The following WSCD2 variants were observed in gnomAD, a reference collection of about 807,000 sequenced individuals.
WSCD2 encodes sialate:O-sulfotransferase 2.
A neutral mutation model predicts 55.7 loss-of-function variants in WSCD2; 28 were observed. The observed-to-expected ratio is 0.50, with a 90% CI of 0.37 to 0.69. The LOEUF is 0.69. WSCD2 is among the 30% of genes least tolerant of loss of function. WSCD2 has a pLI of 0.00. For synonymous variants in WSCD2, 301 were observed against 301.9 expected, an observed-to-expected ratio of 1.00 and a Z score of 0.03; for missense variants, 616 against 762.1, an observed-to-expected ratio of 0.81 and a Z score of 2.26.
chr12:108,207,155 C>A lies in WSCD2; in HGVS notation c.497+752C>A, dbSNP rs186540153. ...AGGCCTGGTGAACAGGGACAGGACC[C>A]CTGGGGGCACCATGGGGCTGAGCTG... is the stretch of plus-strand genomic sequence containing the variant. On this transcript the variant is annotated intron_variant, in intron 3 of 8. Coordinates refer to ENST00000547525, the MANE Select transcript of WSCD2 (RefSeq NM_014653.4). Among the ~76,000 whole-genome samples, 206 of 152,150 alleles carry A rather than the reference C, an allele frequency of 1.4e-3. 1 individual carries two copies. Among genetic ancestry groups the A allele is most frequent in the Admixed American group, 3.0e-3 (46 of 15,290 alleles).
intron 1 of WSCD2, among the ~76,000 whole-genome samples, chr12:108,183,362 G>C (rs1400338048): frequency 6.6e-6 from 1 of 152,166 alleles, no homozygotes; most frequent in Non-Finnish European, 1.5e-5. Context: ...AATGGGTATG[G>C]CCTGATAGGG....
rs1216775788 is a variant in WSCD2, at chr12:108,195,958, GCCCGCTGTCTCGGGGAACCAGGCGAA to G, written c.130_155del (p.Ala44ArgfsTer8). The stretch of plus-strand genomic sequence containing the variant: ...TCCTTCACTCTGGCTTTGTGGGCCA[GCCCGCTGTCTCGGGGAACCAGGCGAA>G]CCCCGCTGCTGCAGGAGGCCCAGCT... On this transcript the variant is annotated frameshift_variant, in exon 2 of 9. Coordinates refer to ENST00000547525, the MANE Select transcript of WSCD2 (RefSeq NM_014653.4). LOFTEE classifies it high-confidence loss of function. The G allele has an allele frequency of 6.2e-7, 1 of 1,614,198 alleles. No homozygotes were observed. Among genetic ancestry groups the G allele is most frequent in the Admixed American group, 1.7e-5 (1 of 60,032 alleles).
intron 1 of WSCD2, among the ~76,000 whole-genome samples, chr12:108,148,473 G>C (rs1405654230): frequency 6.6e-6 from 1 of 152,188 alleles, no homozygotes; most frequent in Non-Finnish European, 1.5e-5. Context: ...GGTAGTGTGG[G>C]AGGTAAGGGT....
At chr12:108,188,474 C>T (rs143762208) in intron 1 of WSCD2, among the ~76,000 whole-genome samples, 160 of 152,132 alleles carry the variant, frequency 1.1e-3, no homozygotes, top group Non-Finnish European at 2.0e-3. Flanking sequence ...AAGGGTGTGT[C>T]CCAGAGAGGG....
intron 1 of WSCD2, among the ~76,000 whole-genome samples, chr12:108,187,369 A>G (rs924951024): frequency 3.3e-5 from 5 of 152,206 alleles, no homozygotes; most frequent in African/African-American, 1.2e-4. Flanking sequence ...TTGTCATGAG[A>G]AGAGGTAAAT....
At chr12:108,241,728 C>T (rs1238249551) in intron 8 of WSCD2, among the ~76,000 whole-genome samples, 1 of 151,986 alleles carries the variant, frequency 6.6e-6, no homozygotes, top group East Asian at 1.9e-4. Context: ...CACACAAAAA[C>T]GAACAAAGAA....
At chr12:108,201,597 G>C (rs1884686923) in intron 2 of WSCD2, among the ~76,000 whole-genome samples, 1 of 152,152 alleles carries the variant, frequency 6.6e-6, no homozygotes, top group African/African-American at 2.4e-5. Context: ...GTGGAGAACT[G>C]CACCCCGAAG....
At chr12:108,147,383 C>T (rs769007979) in intron 1 of WSCD2, among the ~76,000 whole-genome samples, 1 of 152,074 alleles carries the variant, frequency 6.6e-6, no homozygotes, top group Non-Finnish European at 1.5e-5. Context: ...AGGGTGGGTG[C>T]TAACAGCCAT....
At chr12:108,206,558 A>G (rs1458480953) in intron 3 of WSCD2, among the ~76,000 whole-genome samples, 155 bp downstream of exon 3, 1 of 152,196 alleles carries the variant, frequency 6.6e-6, no homozygotes, top group African/African-American at 2.4e-5. Flanking sequence ...CATTGTGTGT[A>G]TGTGCATAAG....
rs563270199 is a variant in WSCD2 at position 108,142,652 on chromosome 12, C to G, written c.-552+12726C>G. Among the ~76,000 whole-genome samples the G allele has an allele frequency of 3.3e-5, 5 of 152,318 alleles. No individual in the cohort carries two copies. In the East Asian group the frequency reaches 9.6e-4, roughly 29 times the overall value. ...AAAACCCAACTTAAACATCCTTACACTCTTTTATTCTCAGGCATAAAATGA... is the reference window on the plus strand; with the variant it reads ...AAAACCCAACTTAAACATCCTTACAGTCTTTTATTCTCAGGCATAAAATGA... On this transcript the variant is annotated intron_variant, in intron 1 of 8. Transcript: ENST00000547525.
intron 2 of WSCD2, among the ~76,000 whole-genome samples, chr12:108,200,687 G>GA (rs947581050): frequency 1.4e-4 from 22 of 152,232 alleles, no homozygotes; most frequent in African/African-American, 5.3e-4. Context: ...TTTCTAATTT[G>GA]AAAAAATAAT....
At position 108,144,752 on chromosome 12, in the gene WSCD2, G is replaced by A. The variant is rs575216461; in HGVS notation, c.-552+14826G>A. On this transcript the variant is annotated intron_variant, in intron 1 of 8. Coordinates refer to ENST00000547525, the MANE Select transcript of WSCD2 (RefSeq NM_014653.4). ...GTGAGATAATGATGCCTCTTATTGTGAGTGAGCACTCACTCCATACCAGGC... is the reference window on the plus strand; with the variant it reads ...GTGAGATAATGATGCCTCTTATTGTAAGTGAGCACTCACTCCATACCAGGC... Among the ~76,000 whole-genome samples, 26 of 152,240 alleles carry A rather than the reference G, an allele frequency of 1.7e-4. No individual in the cohort carries two copies. In the South Asian group the frequency reaches 5.4e-3, roughly 32 times the overall value.
At chr12:108,140,393 G>A (rs938046814) in intron 1 of WSCD2, among the ~76,000 whole-genome samples, 9 of 152,152 alleles carry the variant, frequency 5.9e-5, no homozygotes, top group Admixed American at 4.6e-4. Flanking sequence ...TCATAGAGTG[G>A]TGAGGCACCT....
At chr12:108,197,013 A>G (rs534767284) in intron 2 of WSCD2, 6 of 152,316 alleles carry the variant, frequency 3.9e-5, no homozygotes, top group African/African-American at 1.4e-4. Context: ...ATCTGGCCTG[A>G]ATGCTCAGTT....
At position 108,248,211 on chromosome 12, in the gene WSCD2, G is replaced by C; in HGVS notation, c.1566G>C (p.Gly522=). ...SQKDGNFKRS[G]LRKLEYDPYT... ...AGGATGGCAACTTCAAGCGCTCAGG[G>C]CTCCGGAAGCTCGAGTATGACCCCT... The change falls in exon 9 of 9, where the codon GGG becomes GGC. Residue 522 remains glycine, a synonymous_variant. Coordinates refer to ENST00000547525, the MANE Select transcript of WSCD2 (RefSeq NM_014653.4). The surrounding 1 kb of genome is among the most constrained non-coding windows in gnomAD (Gnocchi z 4.3). 6.2e-7 allele frequency: 1 copy of C among 1,614,174 alleles called. No homozygotes were observed. Among genetic ancestry groups the C allele is most frequent in the Non-Finnish European group, 8.5e-7 (1 of 1,180,034 alleles).
intron 1 of WSCD2, among the ~76,000 whole-genome samples, chr12:108,133,248 G>A (rs1029865931): frequency 2.0e-5 from 3 of 152,176 alleles, no homozygotes; most frequent in Non-Finnish European, 4.4e-5. Flanking sequence ...GCGTACATTT[G>A]AGTGTGTCTG....
At chr12:108,235,427 C>T (rs941490360) in intron 7 of WSCD2, among the ~76,000 whole-genome samples, 1 of 152,068 alleles carries the variant, frequency 6.6e-6, no homozygotes, top group African/African-American at 2.4e-5. Flanking sequence ...AGGAGCGGGC[C>T]CAGGCATGGG....
intron 1 of WSCD2, among the ~76,000 whole-genome samples, chr12:108,166,769 C>CTTTCTTTCT (rs1223828122): frequency 1.5e-5 from 2 of 137,414 alleles, no homozygotes; most frequent in Non-Finnish European, 3.2e-5. Context: ...TCTTTTCTTT[C>CTTTCTTTCT]TTTCTTTCTT....
At chr12:108,134,768 T>C (rs1875998209) in intron 1 of WSCD2, among the ~76,000 whole-genome samples, 1 of 152,154 alleles carries the variant, frequency 6.6e-6, no homozygotes, top group Non-Finnish European at 1.5e-5. Context: ...ATATCAACAC[T>C]AATAATGATA....
Sources: gnomAD v4.1 joint callset for allele counts (sites outside exome capture counted in the v4.1 genomes callset) on GRCh38, gnomAD v4.1.1 for gene constraint, Gnocchi (gnomAD v3.1) non-coding constraint, MANE v1.5 for transcripts, NCBI Gene and HGNC (gene_info 2026-07-23, HGNC 2026-07-21) for gene names.